The following GABRB2 variants were observed in gnomAD, a reference collection of about 807,000 sequenced individuals.
The protein encoded by GABRB2 is gamma-aminobutyric acid receptor subunit beta-2.
In GABRB2, 16 loss-of-function variants were observed where a neutral mutation model predicts 54.7. The ratio of observed to expected loss-of-function variants is 0.29; its 90% CI spans 0.20 to 0.44. The LOEUF is 0.44. Among genes scored for constraint, GABRB2 ranks in the 20% least tolerant of loss-of-function variants. GABRB2 has a pLI of 1.00. For missense variants in GABRB2, 355 were observed against 644.0 expected (o/e 0.55, Z 4.86); for synonymous variants, 244 against 233.8 (o/e 1.04, Z -0.40).
chr5:161,480,568 GAA>G (rs1043012005), intron 3 of GABRB2, among the ~76,000 whole-genome samples: 1 of 151,970 alleles, frequency 6.6e-6, no homozygotes, highest in Non-Finnish European at 1.5e-5. Context: ...CTGATACAAA[GAA>G]AGTGTTTGGC....
chr5:161,368,270 T>TA (rs1415527456), intron 5 of GABRB2, among the ~76,000 whole-genome samples: 2 of 152,060 alleles, frequency 1.3e-5, no homozygotes, highest in African/African-American at 2.4e-5. Flanking sequence ...AAGCAATATT[T>TA]TTTCTGAAAT....
intron 8 of GABRB2, among the ~76,000 whole-genome samples, chr5:161,327,797 T>G (rs560880514): frequency 6.6e-6 from 1 of 152,196 alleles, no homozygotes; most frequent in East Asian, 1.9e-4. Context: ...ATCCCACTCC[T>G]GATTTTCCCA....
intron 9 of GABRB2, among the ~76,000 whole-genome samples, chr5:161,305,833 G>C (rs252975): frequency 0.11 from 16,597 of 152,240 alleles, 1,051 homozygotes; most frequent in Non-Finnish European, 0.14. Flanking sequence ...GTGGGGAGAA[G>C]AGCCAAATGT....
chr5:161,499,774 G>A (rs1309421795), intron 3 of GABRB2, among the ~76,000 whole-genome samples: 1 of 152,144 alleles, frequency 6.6e-6, no homozygotes, highest in African/African-American at 2.4e-5. Context: ...CTAGGAGGAT[G>A]CATAAGGCAG....
intron 5 of GABRB2, among the ~76,000 whole-genome samples, chr5:161,364,879 C>T (rs1754929940): frequency 6.6e-6 from 1 of 151,982 alleles, no homozygotes; most frequent in Admixed American, 6.6e-5. Context: ...TCCAGAACAG[C>T]CATTCCGTAA....
chr5:161,509,299 TAC>T (rs747027339), intron 3 of GABRB2, among the ~76,000 whole-genome samples: 6 of 152,030 alleles, frequency 3.9e-5, no homozygotes. Flanking sequence ...CTAATATTTC[TAC>T]CATTTCTTCA....
chr5:161,326,131 C>T (rs2113388844), intron 9 of GABRB2, among the ~76,000 whole-genome samples: 1 of 152,244 alleles, frequency 6.6e-6, no homozygotes, highest in South Asian at 2.1e-4. Context: ...TTCCCTAACA[C>T]AACAACAATT....
intron 9 of GABRB2, among the ~76,000 whole-genome samples, chr5:161,313,147 T>G (rs146369525): frequency 3.8e-4 from 58 of 152,302 alleles, no homozygotes; most frequent in African/African-American, 1.3e-3. Context: ...TGAGAAGCAG[T>G]GCTGCAGAAT....
intron 5 of GABRB2, among the ~76,000 whole-genome samples, chr5:161,362,620 A>G (rs1449307986): frequency 6.6e-6 from 1 of 152,174 alleles, no homozygotes; most frequent in Non-Finnish European, 1.5e-5. Context: ...AAATTTTCGC[A>G]ATCTATCCAT....
chr5:161,477,284 C>CAAAAAAAAAAAAAAAAAAAAAA (rs70990786), intron 3 of GABRB2, among the ~76,000 whole-genome samples: 2 of 127,850 alleles, frequency 1.6e-5, no homozygotes, highest in Non-Finnish European at 1.7e-5. Context: ...CAAACAAAAG[C>CAAAAAAAAAAAAAAAAAAAAAA]AAAAAAAAAA....
chr5:161,468,221 G>A (rs1368363721), intron 3 of GABRB2, among the ~76,000 whole-genome samples: 12 of 152,024 alleles, frequency 7.9e-5, no homozygotes, highest in African/African-American at 2.9e-4. Flanking sequence ...TGGTCTAAAA[G>A]CATTTTATTG....
At chr5:161,496,197 T>C (rs1446067551) in intron 3 of GABRB2, among the ~76,000 whole-genome samples, 1 of 152,104 alleles carries the variant, frequency 6.6e-6, no homozygotes, top group Non-Finnish European at 1.5e-5. Context: ...TTGAACTAAT[T>C]ATGCAACCTC....
chr5:161,351,698 A>T (rs1019062215), intron 5 of GABRB2, among the ~76,000 whole-genome samples: 1 of 152,122 alleles, frequency 6.6e-6, no homozygotes, highest in African/African-American at 2.4e-5. Context: ...AAAACATACA[A>T]ATGGGAATAC....
chr5:161,494,966 T>C (rs903362469), intron 3 of GABRB2, among the ~76,000 whole-genome samples: 16 of 151,946 alleles, frequency 1.1e-4, no homozygotes, highest in African/African-American at 3.9e-4. Context: ...TTTCAGGCTT[T>C]TAACTCATCT....
chr5:161,434,005 G>A (rs1301923993), intron 4 of GABRB2, among the ~76,000 whole-genome samples: 3 of 151,948 alleles, frequency 2.0e-5, no homozygotes, highest in East Asian at 1.9e-4. Flanking sequence ...AAATATTACC[G>A]AAATGTCTCA....
At chr5:161,479,521 A>G (rs946714176) in intron 3 of GABRB2, among the ~76,000 whole-genome samples, 2 of 152,098 alleles carry the variant, frequency 1.3e-5, no homozygotes, top group African/African-American at 4.8e-5. Flanking sequence ...AGACCATGAA[A>G]AATTATAATG....
At chr5:161,359,439 T>TCA (rs1754736342) in intron 5 of GABRB2, among the ~76,000 whole-genome samples, 2 of 71,550 alleles carry the variant, frequency 2.8e-5, no homozygotes, top group Non-Finnish European at 5.7e-5. Context: ...AAATTGCATC[T>TCA]GACACACACA....
intron 3 of GABRB2, 41 bp downstream of exon 3, chr5:161,545,186 C>G (rs761007212): frequency 1.3e-6 from 2 of 1,523,260 alleles, no homozygotes; most frequent in African/African-American, 1.4e-5. Context: ...TGTCCCCAAA[C>G]GAAAGTTTGC....
chr5:161,337,410 A>T (rs987405652), intron 5 of GABRB2, among the ~76,000 whole-genome samples: 1 of 152,076 alleles, frequency 6.6e-6, no homozygotes, highest in Admixed American at 6.6e-5. Flanking sequence ...CCACAGAAAA[A>T]CTCAAAACAA....
Sources: allele counts gnomAD v4.1 joint callset (sites outside exome capture counted in the v4.1 genomes callset), GRCh38; gene constraint gnomAD v4.1.1; transcripts MANE v1.5; gene names NCBI Gene and HGNC (gene_info 2026-07-23, HGNC 2026-07-21).